MAGOH: variants seen among roughly 807,000 people sequenced by gnomAD.
MAGOH encodes the protein mago homolog, exon junction complex subunit.
MAGOH carries 3 observed loss-of-function variants against 20.9 expected under a neutral mutation model. The observed-to-expected ratio is 0.14, with a 90% CI of 0.07 to 0.37. MAGOH has a LOEUF of 0.37. Ranked by LOEUF, MAGOH falls within the 10% of genes least tolerant of loss-of-function variation. The pLI, the probability that MAGOH is intolerant of heterozygous loss-of-function variation, is 1.00. For synonymous variants in MAGOH, 51 were observed against 61.0 expected (o/e 0.84, Z 0.76); for missense variants, 66 against 178.1 (o/e 0.37, Z 3.58).
chr1:53,233,564 G>A lies in MAGOH; in HGVS notation c.236C>T (p.Pro79Leu). Residue 79 changes from proline (P) to leucine (L), a missense_variant, in exon 3 of 5, where the codon CCT becomes CTT. Transcript: ENST00000371470. ...ITKEDDALWP[P>L]PDRVGRQELE... ...CACCTGCCGGCCCACTCGGTCAGGA[G>A]GAGGCCACAATGCATCATCCTCTTT... The A allele has an allele frequency of 6.2e-7, 1 of 1,613,906 alleles. No individual in the cohort carries two copies. The highest frequency in any genetic ancestry group is 8.5e-7 in the Non-Finnish European group (1 of 1,179,804).
intron 2 of MAGOH, among the ~76,000 whole-genome samples, chr1:53,234,373 CT>C (rs71579963): frequency 0.02 from 2,687 of 132,622 alleles, 19 homozygotes; most frequent in Non-Finnish European, 0.024. Flanking sequence ...CCTGGTTATT[CT>C]TTTTTTTTTT....
Position 53,226,909 on chromosome 1 carries a change from T to C in MAGOH, c.*136A>G. On this transcript the variant is annotated 3_prime_UTR_variant, in exon 5 of 5. Transcript: ENST00000371470. ...GAGAAGAGTTCACATGTTCAGGTCTTTATAAAATAATAAAAATTGGATTTT... is the reference window on the plus strand; with the variant it reads ...GAGAAGAGTTCACATGTTCAGGTCTCTATAAAATAATAAAAATTGGATTTT... 1.6e-6 allele frequency: 1 copy of C among 608,336 alleles called. No homozygotes were observed. Among genetic ancestry groups the C allele is most frequent in the Non-Finnish European group, 2.9e-6 (1 of 344,390 alleles). The allele number at this position is 608,336 out of a possible 1,614,324, so 37.7% of individuals were successfully genotyped here.
chr1:53,232,787 A>G (rs1284383829), intron 3 of MAGOH, among the ~76,000 whole-genome samples: 1 of 152,234 alleles, frequency 6.6e-6, no homozygotes, highest in East Asian at 1.9e-4. Context: ...AGTGGAATAC[A>G]TAAGCAAATT....
At position 53,228,912 on chromosome 1, in the gene MAGOH, T is replaced by C; in HGVS notation, c.301A>G (p.Thr101Ala). 6.2e-7 allele frequency: 1 copy of C among 1,613,600 alleles called. No homozygotes were observed. The highest frequency in any genetic ancestry group is 8.5e-7 in the Non-Finnish European group (1 of 1,179,544). ...VIGDEHISFT[T>A]SKIGSLIDVN... ...TCAATAAGGGAACCAATTTTTGATGTTGTAAAAGAAATGTGTTCATCTCCA... is the reference window on the plus strand; with the variant it reads ...TCAATAAGGGAACCAATTTTTGATGCTGTAAAAGAAATGTGTTCATCTCCA... The change falls in exon 4 of 5, where the codon ACA (threonine) becomes GCA (alanine). Residue 101 changes from threonine to alanine, a missense_variant. Coordinates refer to ENST00000371470, the MANE Select transcript of MAGOH (RefSeq NM_002370.4).
chr1:53,234,772 A>G (rs549482596), intron 2 of MAGOH, among the ~76,000 whole-genome samples: 10 of 152,350 alleles, frequency 6.6e-5, no homozygotes, highest in African/African-American at 2.4e-4. Context: ...ATGTGTGAAT[A>G]AGCATAAAAT....
rs1488070253 is a variant in MAGOH, at chr1:53,238,512, C to T, written c.-64G>A. On this transcript the variant is annotated 5_prime_UTR_variant, in exon 1 of 5. Coordinates refer to ENST00000371470, the MANE Select transcript of MAGOH (RefSeq NM_002370.4). ...AAGCCGCACTGCCGCCGTCTGCGCC[C>T]GACACTGACGTTTGCGGCGGCGCGC... 1.4e-6 allele frequency: 2 copies of T among 1,441,440 alleles called. No individual in the cohort carries two copies. The highest frequency in any genetic ancestry group is 2.0e-6 in the Non-Finnish European group (2 of 1,023,270). 89.3% of individuals were successfully genotyped at this position (1,441,440 alleles called of 1,614,324 possible).
At chr1:53,234,202 G>A (rs1486935548) in intron 2 of MAGOH, among the ~76,000 whole-genome samples, 1 of 152,070 alleles carries the variant, frequency 6.6e-6, no homozygotes, top group Admixed American at 6.6e-5. Context: ...GCACAGTTGT[G>A]GAAGCAGAGA....
At chr1:53,237,356 G>A (rs1173486865) in intron 1 of MAGOH, among the ~76,000 whole-genome samples, 1 of 151,462 alleles carries the variant, frequency 6.6e-6, no homozygotes, top group Non-Finnish European at 1.5e-5. Flanking sequence ...TTCAAGAAGA[G>A]ATCACATTTC....
Position 53,227,145 on chromosome 1 carries a change from C to A in MAGOH, c.342-1G>T. 2 of 1,567,058 alleles carry A rather than the reference C, an allele frequency of 1.3e-6. No homozygotes were observed. The highest frequency in any genetic ancestry group is 1.2e-5 in the South Asian group (1 of 82,936). Reference sequence around the variant, plus strand: ...AAATACTCGTAAGCCTTCTGGATCCCTAAAATACAAAAGGAAAAAAGTTTA... The same window carrying A: ...AAATACTCGTAAGCCTTCTGGATCCATAAAATACAAAAGGAAAAAAGTTTA... On this transcript the variant is annotated splice_acceptor_variant, in intron 4 of 4. Coordinates refer to ENST00000371470, the MANE Select transcript of MAGOH (RefSeq NM_002370.4). LOFTEE classifies it high-confidence loss of function.
chr1:53,235,800 A>T (rs1645607626), intron 1 of MAGOH, among the ~76,000 whole-genome samples, 165 bp from the exon 2 acceptor site: 1 of 152,234 alleles, frequency 6.6e-6, no homozygotes, highest in Non-Finnish European at 1.5e-5. Context: ...TAGTCTTTTC[A>T]GTTCTTCACT....
At chr1:53,235,801 G>A (rs1645607636) in intron 1 of MAGOH, among the ~76,000 whole-genome samples, 166 bp from the exon 2 acceptor site, 1 of 152,206 alleles carries the variant, frequency 6.6e-6, no homozygotes, top group Non-Finnish European at 1.5e-5. Flanking sequence ...AGTCTTTTCA[G>A]TTCTTCACTT....
chr1:53,235,714 G>T, intron 1 of MAGOH, 79 bp from the exon 2 acceptor site: 1 of 1,139,306 alleles, frequency 8.8e-7, no homozygotes, highest in Non-Finnish European at 1.3e-6. Flanking sequence ...GGCATCAGCA[G>T]TTGCCCAAAA....
chr1:53,232,165 T>C (rs938110085), intron 3 of MAGOH, among the ~76,000 whole-genome samples: 2 of 152,280 alleles, frequency 1.3e-5, no homozygotes, highest in African/African-American at 4.8e-5. Context: ...TGAGCTCCCT[T>C]GAACATAAAT....
At chr1:53,235,339 G>A (rs969381466) in intron 2 of MAGOH, among the ~76,000 whole-genome samples, 9 of 152,176 alleles carry the variant, frequency 5.9e-5, no homozygotes, top group African/African-American at 2.2e-4. Context: ...GTAGTAAGCA[G>A]CAGACTCAGG....
intron 3 of MAGOH, among the ~76,000 whole-genome samples, chr1:53,232,085 A>C (rs1333848537): frequency 6.6e-6 from 1 of 152,162 alleles, no homozygotes; most frequent in Non-Finnish European, 1.5e-5. Flanking sequence ...AATTGTTGTG[A>C]TGGTAGAACG....
intron 1 of MAGOH, among the ~76,000 whole-genome samples, chr1:53,236,209 T>C (rs896488765): frequency 2.0e-5 from 3 of 152,190 alleles, no homozygotes; most frequent in Non-Finnish European, 2.9e-5. Flanking sequence ...CTAGAAGACA[T>C]ACATGTGAGA....
At chr1:53,229,504 T>C (rs981621992) in intron 3 of MAGOH, among the ~76,000 whole-genome samples, 2 of 152,210 alleles carry the variant, frequency 1.3e-5, no homozygotes, top group African/African-American at 4.8e-5. Context: ...TCCGCCTGCC[T>C]CAGCCTCTCA....
chr1:53,235,494 C>T, intron 2 of MAGOH, 83 bp downstream of exon 2: 1 of 1,159,044 alleles, frequency 8.6e-7, no homozygotes, highest in Non-Finnish European at 1.3e-6. Context: ...TCTTTCAATA[C>T]TACTAGAAAC....
intron 4 of MAGOH, among the ~76,000 whole-genome samples, chr1:53,227,480 T>A (rs908943930): frequency 1.1e-4 from 16 of 152,190 alleles, no homozygotes; most frequent in Non-Finnish European, 1.9e-4. Flanking sequence ...TTTTCTACAT[T>A]TCCTGTATTT....
Sources: allele counts gnomAD v4.1 joint callset (sites outside exome capture counted in the v4.1 genomes callset), GRCh38; gene constraint gnomAD v4.1.1; transcripts MANE v1.5; gene names NCBI Gene and HGNC (gene_info 2026-07-23, HGNC 2026-07-21).